Variants in IL1RAPL2 observed in about 807,000 individuals in gnomAD.
IL1RAPL2 encodes the protein X-linked interleukin-1 receptor accessory protein-like 2.
IL1RAPL2 carries 3 observed loss-of-function variants against 44.1 expected under a neutral mutation model. That is an observed-to-expected ratio of 0.07 (90% CI 0.03 to 0.18). IL1RAPL2 has a LOEUF of 0.18. Ranked by LOEUF, IL1RAPL2 falls within the 10% of genes least tolerant of loss-of-function variation. The pLI is 1.00. For synonymous variants in IL1RAPL2, 181 were observed against 178.8 expected, an observed-to-expected ratio of 1.01 and a Z score of -0.10; for missense variants, 391 against 496.4, an observed-to-expected ratio of 0.79 and a Z score of 2.02.
chrX:104,838,182 T>C (rs1921794167), intron 2 of IL1RAPL2, among the ~76,000 whole-genome samples: 1 of 111,965 alleles, frequency 8.9e-6, no homozygotes, highest in Admixed American at 9.5e-5. Context: ...CTTTGTTCTT[T>C]TTGCTTAGAA....
At chrX:105,453,930 T>C (rs769250761) in intron 5 of IL1RAPL2, among the ~76,000 whole-genome samples, 47 of 111,997 alleles carry the variant, frequency 4.2e-4, no homozygotes, top group African/African-American at 1.4e-3. Flanking sequence ...TCAACACTCA[T>C]CTTCTTCACA....
intron 6 of IL1RAPL2, among the ~76,000 whole-genome samples, chrX:105,561,713 C>G (rs1417164009): frequency 1.8e-5 from 2 of 112,028 alleles, no homozygotes; most frequent in Non-Finnish European, 3.8e-5. Context: ...CTTCATTTTG[C>G]CACTGCACAA....
chrX:105,216,682 A>C (rs2033861505), intron 3 of IL1RAPL2, among the ~76,000 whole-genome samples: 1 of 111,650 alleles, frequency 9.0e-6, no homozygotes, highest in African/African-American at 3.3e-5. Flanking sequence ...TGGAGGCATC[A>C]CACTACCTGA....
intron 2 of IL1RAPL2, among the ~76,000 whole-genome samples, chrX:104,927,805 G>A (rs1037184261): frequency 3.6e-5 from 4 of 111,414 alleles, no homozygotes; most frequent in Admixed American, 9.6e-5. Context: ...TATGAATGGC[G>A]TTTTGTTTTC....
chrX:104,950,619 C>G (rs953401540), intron 2 of IL1RAPL2, among the ~76,000 whole-genome samples: 8 of 112,679 alleles, frequency 7.1e-5, no homozygotes, highest in African/African-American at 2.3e-4. Context: ...TAGCAATGAG[C>G]GATACTCCGT....
chrX:104,732,852 C>T (rs1300683986), intron 2 of IL1RAPL2, among the ~76,000 whole-genome samples: 1 of 111,607 alleles, frequency 9.0e-6, no homozygotes, highest in Admixed American at 9.6e-5. Flanking sequence ...ACCTCACATA[C>T]ATGGCAGCTA....
chrX:104,807,331 A>T (rs1437209168), intron 2 of IL1RAPL2, among the ~76,000 whole-genome samples: 3 of 111,699 alleles, frequency 2.7e-5, no homozygotes. Flanking sequence ...TACGGGAATA[A>T]TAGGTGAGGG....
intron 6 of IL1RAPL2, among the ~76,000 whole-genome samples, chrX:105,624,007 T>C (rs943239281): frequency 1.8e-5 from 2 of 111,394 alleles, no homozygotes; most frequent in African/African-American, 6.5e-5. Flanking sequence ...TCCATGGAAA[T>C]AAATCAGAGA....
intron 2 of IL1RAPL2, among the ~76,000 whole-genome samples, chrX:105,064,586 G>C (rs1322076240): frequency 8.9e-6 from 1 of 112,144 alleles, no homozygotes; most frequent in Non-Finnish European, 1.9e-5. Flanking sequence ...TGGAAACCTT[G>C]TTAACAACAT....
chrX:105,371,832 A>G lies in IL1RAPL2; in HGVS notation c.697+104291A>G, dbSNP rs917072353. On this transcript the variant is annotated intron_variant, in intron 5 of 10. Transcript: ENST00000372582. ...ATTATAATTTTTGGTGCAATAAACC[A>G]GTGATGAAGATTCAAGTAGACTAGT... 1.8e-5 allele frequency among the ~76,000 whole-genome samples: 2 copies of G among 111,838 alleles called. 1 individual carries two copies. The highest frequency in any genetic ancestry group is 3.8e-5 in the Non-Finnish European group (2 of 53,141).
At chrX:105,233,723 C>G in intron 3 of IL1RAPL2, 95 bp from the exon 4 acceptor site, 1 of 728,900 alleles carries the variant, frequency 1.4e-6, no homozygotes, top group Non-Finnish European at 2.0e-6. Flanking sequence ...AGGCAAGGTC[C>G]TAAATGGAAA....
intron 5 of IL1RAPL2, among the ~76,000 whole-genome samples, chrX:105,436,218 G>C (rs2035881299): frequency 9.1e-6 from 1 of 110,308 alleles, no homozygotes; most frequent in Admixed American, 9.7e-5. Flanking sequence ...GGAGAGAGAA[G>C]AGATCAGTGA....
intron 6 of IL1RAPL2, among the ~76,000 whole-genome samples, chrX:105,632,237 G>A (rs1171998550): frequency 3.6e-5 from 4 of 111,175 alleles, no homozygotes; most frequent in African/African-American, 1.3e-4. Flanking sequence ...ATTCTCCACT[G>A]AATCTAGGGC....
intron 2 of IL1RAPL2, among the ~76,000 whole-genome samples, chrX:104,713,420 G>T (rs1168025418): frequency 9.0e-6 from 1 of 110,839 alleles, no homozygotes; most frequent in Non-Finnish European, 1.9e-5. Context: ...ACTTGAAATT[G>T]TTTAAAATGT....
chrX:105,125,655 C>T (rs1189715363), intron 2 of IL1RAPL2, among the ~76,000 whole-genome samples: 1 of 110,164 alleles, frequency 9.1e-6, no homozygotes, highest in East Asian at 2.8e-4. Context: ...TACAGTTGAC[C>T]CTTGAACAAT....
chrX:105,244,485 C>T (rs1278459311), intron 4 of IL1RAPL2, among the ~76,000 whole-genome samples: 4 of 111,635 alleles, frequency 3.6e-5, no homozygotes, highest in African/African-American at 1.3e-4. Context: ...TGGACCTAGT[C>T]CGCTTTCTGC....
chrX:105,167,636 C>A (rs1018015061), intron 2 of IL1RAPL2, among the ~76,000 whole-genome samples: 2 of 84,538 alleles, frequency 2.4e-5, no homozygotes, highest in Admixed American at 1.4e-4. Context: ...CCCACCCCCC[C>A]ACATACCCAC....
intron 2 of IL1RAPL2, among the ~76,000 whole-genome samples, chrX:104,721,350 T>C (rs1485632109): frequency 9.0e-6 from 1 of 110,766 alleles, no homozygotes; most frequent in Non-Finnish European, 1.9e-5. Context: ...TATGCAGCTA[T>C]AGGAGGGAGT....
chrX:105,174,997 C>T (rs1376815793), intron 2 of IL1RAPL2, among the ~76,000 whole-genome samples: 1 of 111,868 alleles, frequency 8.9e-6, no homozygotes, highest in Non-Finnish European at 1.9e-5. Flanking sequence ...TCAAGCAAGG[C>T]ATTTAACCTC....
Sources: allele counts gnomAD v4.1 joint callset (sites outside exome capture counted in the v4.1 genomes callset), GRCh38; gene constraint gnomAD v4.1.1; transcripts MANE v1.5; gene names NCBI Gene and HGNC (gene_info 2026-07-23, HGNC 2026-07-21).